Variants in PPARGC1A observed in about 807,000 individuals in gnomAD.
The protein encoded by PPARGC1A is PPARG coactivator 1 alpha.
Under a neutral mutation model 88.7 loss-of-function variants are expected in PPARGC1A, and 25 were observed. The ratio of observed to expected loss-of-function variants is 0.28; its 90% confidence interval spans 0.21 to 0.39. PPARGC1A has a LOEUF of 0.39. Ranked by LOEUF, PPARGC1A falls within the 10% of genes least tolerant of loss-of-function variation. The pLI, the probability that PPARGC1A is intolerant of heterozygous loss-of-function variation, is 1.00. For synonymous variants in PPARGC1A, 363 were observed against 355.6 expected, an observed-to-expected ratio of 1.02 and a Z score of -0.24; for missense variants, 880 against 968.7, an observed-to-expected ratio of 0.91 and a Z score of 1.22.
At chr4:24,094,509 T>C in the PPARGC1A span, among the ~76,000 whole-genome samples, 1 of 152,200 alleles carries the variant, frequency 6.6e-6, no homozygotes, top group Non-Finnish European at 1.5e-5. Flanking sequence ...TTTCTAAAGA[T>C]GATGCAGAAA....
the PPARGC1A span, among the ~76,000 whole-genome samples, chr4:24,452,256 C>G: frequency 7.0e-6 from 1 of 142,660 alleles, no homozygotes; most frequent in Admixed American, 6.8e-5. Context: ...CCCACCCCCC[C>G]ACACACAAAC....
chr4:24,095,565 G>A, the PPARGC1A span, among the ~76,000 whole-genome samples: 145 of 152,140 alleles, frequency 9.5e-4, no homozygotes, highest in East Asian at 0.021. Flanking sequence ...CCATATGAGG[G>A]TAAGGACAGA....
chr4:24,363,658 G>A, the PPARGC1A span, among the ~76,000 whole-genome samples: 1 of 152,108 alleles, frequency 6.6e-6, no homozygotes, highest in Non-Finnish European at 1.5e-5. Context: ...CACAGAAAAT[G>A]CCCACAGAAG....
intron 7 of PPARGC1A, among the ~76,000 whole-genome samples, chr4:23,821,914 C>A (rs986572881): frequency 2.0e-5 from 3 of 152,024 alleles, no homozygotes; most frequent in Admixed American, 6.6e-5. Flanking sequence ...TTTAAAATCA[C>A]GATATACTAC....
intron 2 of PPARGC1A, among the ~76,000 whole-genome samples, chr4:23,851,452 C>T (rs1164205575): frequency 6.6e-6 from 1 of 152,062 alleles, no homozygotes; most frequent in Non-Finnish European, 1.5e-5. Flanking sequence ...GAAATGCAGT[C>T]GATTTCATAG....
the PPARGC1A span, among the ~76,000 whole-genome samples, chr4:24,333,528 C>T: frequency 1.3e-5 from 2 of 152,200 alleles, no homozygotes; most frequent in African/African-American, 4.8e-5. Flanking sequence ...TAGAGAGCTT[C>T]TCCATCTTAC....
chr4:24,155,820 C>T, the PPARGC1A span, among the ~76,000 whole-genome samples: 4 of 151,976 alleles, frequency 2.6e-5, no homozygotes, highest in African/African-American at 4.8e-5. Flanking sequence ...AAGTCCTGAG[C>T]GAACCATAAT....
chr4:24,348,134 C>T, the PPARGC1A span, among the ~76,000 whole-genome samples: 957 of 152,248 alleles, frequency 6.3e-3, 21 homozygotes, highest in African/African-American at 0.022. Context: ...AAGATAGGTC[C>T]CCAATCCCTT....
At chr4:24,047,627 T>TAC in the PPARGC1A span, among the ~76,000 whole-genome samples, 1 of 152,148 alleles carries the variant, frequency 6.6e-6, no homozygotes, top group African/African-American at 2.4e-5. Flanking sequence ...GACAGACACA[T>TAC]ACAAACCCCT....
the PPARGC1A span, among the ~76,000 whole-genome samples, chr4:24,295,641 T>C: frequency 6.6e-6 from 1 of 151,038 alleles, no homozygotes; most frequent in Non-Finnish European, 1.5e-5. Context: ...TATGAATATA[T>C]ATATTCATAG....
the PPARGC1A span, among the ~76,000 whole-genome samples, chr4:24,245,335 G>A: frequency 6.6e-6 from 1 of 152,216 alleles, no homozygotes; most frequent in Non-Finnish European, 1.5e-5. Context: ...ATAAGCAAGT[G>A]CTTGCATCAT....
chr4:24,382,853 C>A, the PPARGC1A span, among the ~76,000 whole-genome samples: 3 of 152,212 alleles, frequency 2.0e-5, no homozygotes, highest in Non-Finnish European at 4.4e-5. Context: ...CTGAAGAGAG[C>A]AGCAGATCTC....
At chr4:24,371,122 T>A in the PPARGC1A span, among the ~76,000 whole-genome samples, 1 of 152,192 alleles carries the variant, frequency 6.6e-6, no homozygotes, top group African/African-American at 2.4e-5. Context: ...CTTTCTTTTT[T>A]ATGGCTGCAT....
At chr4:24,298,884 C>T in the PPARGC1A span, among the ~76,000 whole-genome samples, 2 of 152,134 alleles carry the variant, frequency 1.3e-5, no homozygotes, top group East Asian at 1.9e-4. Context: ...CCTATGCCTC[C>T]CTTCTGTGAA....
At chr4:24,071,297 G>T in the PPARGC1A span, among the ~76,000 whole-genome samples, 2 of 151,838 alleles carry the variant, frequency 1.3e-5, no homozygotes, top group East Asian at 3.9e-4. Flanking sequence ...CTATTATATG[G>T]TCTTCCATAA....
intron 2 of PPARGC1A, among the ~76,000 whole-genome samples, chr4:23,848,404 A>T (rs1332166381): frequency 6.6e-6 from 1 of 152,112 alleles, no homozygotes; most frequent in Non-Finnish European, 1.5e-5. Flanking sequence ...CCTCGAGCTA[A>T]CCCTCTCCCA....
chr4:24,219,207 C>T, the PPARGC1A span, among the ~76,000 whole-genome samples: 1 of 152,198 alleles, frequency 6.6e-6, no homozygotes, highest in African/African-American at 2.4e-5. Context: ...GCAAAAGTGC[C>T]AGGAAGTCCG....
chr4:24,295,239 C>T, the PPARGC1A span, among the ~76,000 whole-genome samples: 71 of 152,312 alleles, frequency 4.7e-4, no homozygotes, highest in African/African-American at 1.7e-3. Context: ...TGGTAATAAT[C>T]TCTTTCCCTC....
chr4:23,849,404 A>T (rs541751006), intron 2 of PPARGC1A, among the ~76,000 whole-genome samples: 1 of 152,344 alleles, frequency 6.6e-6, no homozygotes, highest in African/African-American at 2.4e-5. Flanking sequence ...CCCTGAATAC[A>T]TGGCCTTTCT....
Sources: gnomAD v4.1 joint callset for allele counts (sites outside exome capture counted in the v4.1 genomes callset) on GRCh38, gnomAD v4.1.1 for gene constraint, MANE v1.5 for transcripts, NCBI Gene and HGNC (gene_info 2026-07-23, HGNC 2026-07-21) for gene names.